The following FAM168A variants were observed in gnomAD, a reference collection of about 807,000 sequenced individuals.
FAM168A encodes the protein family with sequence similarity 168 member A.
In FAM168A, 3 loss-of-function variants were observed where a neutral mutation model predicts 28.5. That is an observed-to-expected ratio of 0.11 (90% CI 0.05 to 0.27). The LOEUF (loss-of-function observed/expected upper bound fraction) is 0.27. Among genes scored for constraint, FAM168A ranks in the 10% least tolerant of loss-of-function variants. The pLI, the probability that FAM168A is intolerant of heterozygous loss-of-function variation, is 1.00. For missense variants in FAM168A, 222 were observed against 311.5 expected, an observed-to-expected ratio of 0.71 and a Z score of 2.16; for synonymous variants, 122 against 124.2, an observed-to-expected ratio of 0.98 and a Z score of 0.12.
At chr11:73,410,933 TG>T (rs1866598149) in intron 5 of FAM168A, among the ~76,000 whole-genome samples, 1 of 152,188 alleles carries the variant, frequency 6.6e-6, no homozygotes, top group Non-Finnish European at 1.5e-5. Flanking sequence ...CAGAGGATAC[TG>T]GTGGCAGGGC....
intron 1 of FAM168A, among the ~76,000 whole-genome samples, chr11:73,488,052 G>C (rs1420577218): frequency 1.3e-5 from 2 of 151,938 alleles, no homozygotes; most frequent in Non-Finnish European, 2.9e-5. Flanking sequence ...TAGGTCTTGG[G>C]AGTAGGAAAA....
chr11:73,542,281 G>C (rs1160885900), intron 1 of FAM168A, among the ~76,000 whole-genome samples: 1 of 152,198 alleles, frequency 6.6e-6, no homozygotes, highest in Non-Finnish European at 1.5e-5. Context: ...TTGTAAAAAT[G>C]TAATATGTCC....
At chr11:73,545,147 TC>T (rs1943730953) in intron 1 of FAM168A, among the ~76,000 whole-genome samples, 1 of 146,380 alleles carries the variant, frequency 6.8e-6, no homozygotes. Context: ...TGCCTCAGCC[TC>T]CTGAGTAGCT....
At chr11:73,542,225 A>G (rs1195578025) in intron 1 of FAM168A, among the ~76,000 whole-genome samples, 2 of 152,196 alleles carry the variant, frequency 1.3e-5, no homozygotes, top group Non-Finnish European at 2.9e-5. Flanking sequence ...TGAATTTCAG[A>G]CTTGTATATC....
chr11:73,590,544 A>G lies in FAM168A; in HGVS notation c.-19+7379T>C, dbSNP rs1046789864. Reference sequence around the variant, plus strand: ...GTCACACCTATGAAACGTCATAAACAGGCAAAAATAATCTACATTATTAGA... The same window carrying G: ...GTCACACCTATGAAACGTCATAAACGGGCAAAAATAATCTACATTATTAGA... On this transcript the variant is annotated intron_variant, in intron 1 of 7. Transcript: ENST00000356467. 2.0e-5 allele frequency among the ~76,000 whole-genome samples: 3 copies of G among 152,374 alleles called. 1 individual carries two copies. The highest frequency in any genetic ancestry group is 1.5e-5 in the Non-Finnish European group (1 of 68,040).
intron 1 of FAM168A, among the ~76,000 whole-genome samples, chr11:73,514,828 G>GCCGT: frequency 6.8e-6 from 1 of 146,546 alleles, no homozygotes; most frequent in East Asian, 2.0e-4. Context: ...GTGAGACTCT[G>GCCGT]CCATCCATCC....
At chr11:73,537,462 G>A (rs1264823251) in intron 1 of FAM168A, among the ~76,000 whole-genome samples, 1 of 152,232 alleles carries the variant, frequency 6.6e-6, no homozygotes, top group African/African-American at 2.4e-5. Flanking sequence ...TTGGGGGACT[G>A]AGGTAGGAGG....
intron 1 of FAM168A, among the ~76,000 whole-genome samples, chr11:73,522,152 T>C (rs1460668774): frequency 1.3e-5 from 2 of 151,440 alleles, no homozygotes; most frequent in Non-Finnish European, 2.9e-5. Flanking sequence ...AACTTTTAAA[T>C]TGAAGAGCAT....
chr11:73,590,029 G>A (rs1300432009), intron 1 of FAM168A, among the ~76,000 whole-genome samples: 1 of 152,126 alleles, frequency 6.6e-6, no homozygotes, highest in African/African-American at 2.4e-5. Context: ...GATCCAATAA[G>A]ATACTAAAGA....
At chr11:73,538,329 C>CA (rs1331048860) in intron 1 of FAM168A, among the ~76,000 whole-genome samples, 229 of 128,578 alleles carry the variant, frequency 1.8e-3, no homozygotes, top group Non-Finnish European at 2.4e-3. Flanking sequence ...ATGCAGGTTC[C>CA]AAAACAAAAA....
intron 2 of FAM168A, among the ~76,000 whole-genome samples, chr11:73,433,244 C>G (rs1349185095): frequency 5.3e-5 from 8 of 151,514 alleles, no homozygotes; most frequent in Non-Finnish European, 1.0e-4. Flanking sequence ...TGTCTTTTTG[C>G]TGTTACACTG....
intron 1 of FAM168A, among the ~76,000 whole-genome samples, chr11:73,517,835 G>A (rs954403762): frequency 6.6e-6 from 1 of 152,126 alleles, no homozygotes; most frequent in African/African-American, 2.4e-5. Flanking sequence ...TCATACAAGG[G>A]TCAATTACAG....
At chr11:73,525,323 G>A (rs1293732653) in intron 1 of FAM168A, among the ~76,000 whole-genome samples, 1 of 152,012 alleles carries the variant, frequency 6.6e-6, no homozygotes, top group Non-Finnish European at 1.5e-5. Context: ...CTGGGGAAAG[G>A]GACGTTCAAA....
At chr11:73,561,164 C>G (rs192351979) in intron 1 of FAM168A, among the ~76,000 whole-genome samples, 1 of 151,500 alleles carries the variant, frequency 6.6e-6, no homozygotes, top group Non-Finnish European at 1.5e-5. Context: ...CACCTGAGGT[C>G]GGGAGTTCGA....
At chr11:73,467,297 A>C (rs1348313846) in intron 2 of FAM168A, among the ~76,000 whole-genome samples, 1 of 151,432 alleles carries the variant, frequency 6.6e-6, no homozygotes, top group Non-Finnish European at 1.5e-5. Flanking sequence ...CCATTCCCAG[A>C]ATTATCTAGT....
chr11:73,503,532 C>T (rs952971127), intron 1 of FAM168A, among the ~76,000 whole-genome samples: 8 of 152,186 alleles, frequency 5.3e-5, no homozygotes, highest in Non-Finnish European at 1.2e-4. Context: ...ACATTCCATG[C>T]TCATGGATAG....
intron 1 of FAM168A, among the ~76,000 whole-genome samples, chr11:73,584,841 G>A (rs1944292701): frequency 6.6e-6 from 1 of 152,034 alleles, no homozygotes; most frequent in Non-Finnish European, 1.5e-5. Flanking sequence ...AATCCAATCT[G>A]TTTCAACCAA....
intron 1 of FAM168A, among the ~76,000 whole-genome samples, chr11:73,569,825 A>AAAATAAATAAATAAAT (rs111950693): frequency 0.027 from 3,959 of 145,764 alleles, 81 homozygotes; most frequent in Non-Finnish European, 0.041. Flanking sequence ...CTCCACCTCA[A>AAAATAAATAAATAAAT]AAATAAATAA....
chr11:73,431,721 C>T (rs918763437), intron 2 of FAM168A, among the ~76,000 whole-genome samples: 2 of 152,114 alleles, frequency 1.3e-5, no homozygotes, highest in Admixed American at 6.5e-5. Context: ...CAGCTCACTA[C>T]AGTATACTAT....
Sources: allele counts gnomAD v4.1 joint callset (sites outside exome capture counted in the v4.1 genomes callset), GRCh38; gene constraint gnomAD v4.1.1; transcripts MANE v1.5; gene names NCBI Gene and HGNC (gene_info 2026-07-23, HGNC 2026-07-21).